Variants in ZFP82 observed in about 807,000 individuals in gnomAD.
The protein encoded by ZFP82 is ZFP82 zinc finger protein.
ZFP82 carries 30 observed loss-of-function variants against 54.0 expected under a neutral mutation model. The ratio of observed to expected loss-of-function variants is 0.56; its 90% CI spans 0.42 to 0.75. The LOEUF (loss-of-function observed/expected upper bound fraction) is 0.75, where lower values mean the gene tolerates loss of function less well. ZFP82 is among the 30% of genes least tolerant of loss of function. The pLI is 0.00. For synonymous variants in ZFP82, 194 were observed against 209.5 expected (o/e 0.93, Z 0.64); for missense variants, 500 against 636.8 (o/e 0.79, Z 2.31).
exon 2 of ZFP82, chr19:36,383,416 A>G (rs1264437078): frequency 2.6e-5 from 4 of 152,312 alleles, no homozygotes; most frequent in African/African-American, 9.6e-5. Context: ...TCTAATAAAA[A>G]AAAAAGTTAA....
Position 36,407,452 on chromosome 19 carries a change from G to A in ZFP82, c.136+435C>T, listed in dbSNP as rs1361992964. Among the ~76,000 whole-genome samples the A allele has an allele frequency of 2.6e-5, 4 of 152,150 alleles. No individual in the cohort carries two copies. In the South Asian group the frequency reaches 8.3e-4, roughly 31 times the overall value. The stretch of plus-strand genomic sequence containing the variant: ...ATTAATGAAGGGAATGAGTTCTCTT[G>A]AATTGTAAATACATGCTGTTGATCC... On this transcript the variant is annotated intron_variant, in intron 3 of 4. Transcript: ENST00000392161.
At chr19:36,384,783 T>C (rs939404336), downstream of ZFP82, among the ~76,000 whole-genome samples, 5 of 152,206 alleles carry the variant, frequency 3.3e-5, no homozygotes, top group African/African-American at 1.2e-4. Context: ...GCACTTAAAA[T>C]AGTCTTCTTC....
At chr19:36,398,738 T>G (rs576386799) in intron 4 of ZFP82, among the ~76,000 whole-genome samples, 1 of 152,208 alleles carries the variant, frequency 6.6e-6, no homozygotes, top group Admixed American at 6.5e-5. Context: ...ACAGCTGGAG[T>G]GCAGTGGTGC....
rs1409698141 is a variant in ZFP82, at chr19:36,392,059, T to A, written c.*682A>T. 6.6e-6 allele frequency: 1 copy of A among 152,208 alleles called. No homozygotes were observed. Among genetic ancestry groups the A allele is most frequent in the African/African-American group, 2.4e-5 (1 of 41,438 alleles). 9.4% of individuals were successfully genotyped at this position (152,208 alleles called of 1,614,324 possible). ...GTCAATTCTTCCATTCTACATGGCATCAGTTCAGGTTACCAAGTCGCTCAC... is the reference window on the plus strand; with the variant it reads ...GTCAATTCTTCCATTCTACATGGCAACAGTTCAGGTTACCAAGTCGCTCAC... On this transcript the variant is annotated 3_prime_UTR_variant, in exon 5 of 5. Coordinates refer to ENST00000392161, the MANE Select transcript of ZFP82 (RefSeq NM_133466.4).
At chr19:36,414,825 C>CTT (rs11445531) in intron 1 of ZFP82, among the ~76,000 whole-genome samples, 25,553 of 142,366 alleles carry the variant, frequency 0.18, 2,529 homozygotes, top group Non-Finnish European at 0.22. Flanking sequence ...ATATTAAATA[C>CTT]TTTTTTTTTT....
At chr19:36,415,620 C>G (rs996187832) in intron 1 of ZFP82, among the ~76,000 whole-genome samples, 3 of 152,166 alleles carry the variant, frequency 2.0e-5, no homozygotes, top group African/African-American at 7.2e-5. Context: ...CTTCTGACCT[C>G]AGGTGATCTG....
At chr19:36,395,529 T>C (rs1223411870) in intron 4 of ZFP82, 2 of 152,182 alleles carry the variant, frequency 1.3e-5, no homozygotes, top group Non-Finnish European at 2.9e-5. Context: ...ACTGTTGCAG[T>C]CATCTGAATG....
At chr19:36,412,034 T>G (rs2032589894) in intron 1 of ZFP82, among the ~76,000 whole-genome samples, 1 of 151,798 alleles carries the variant, frequency 6.6e-6, no homozygotes, top group South Asian at 2.1e-4. Flanking sequence ...TTGTGAGTAG[T>G]ATGATCCTGT....
chr19:36,393,799 C>T lies in ZFP82; in HGVS notation c.541G>A (p.Val181Met). 2 of 1,613,612 alleles carry T rather than the reference C, an allele frequency of 1.2e-6. No homozygotes were observed. The highest frequency in any genetic ancestry group is 8.5e-7 in the Non-Finnish European group (1 of 1,179,862). The change falls in exon 5 of 5, where the codon GTG (valine) becomes ATG (methionine). Residue 181 changes from valine (V) to methionine (M), a missense_variant. Val to Met is a conservative substitution (Grantham distance 21, BLOSUM62 1). Transcript: ENST00000392161. ...ECKECGKAFR[V>M]RQQLTFHHRI... ...TGATGAAAAGTAAGCTGTTGGCGCACTCTGAACGCCTTCCCACATTCCTTA... is the reference window on the plus strand; with the variant it reads ...TGATGAAAAGTAAGCTGTTGGCGCATTCTGAACGCCTTCCCACATTCCTTA...
intron 4 of ZFP82, among the ~76,000 whole-genome samples, chr19:36,402,468 C>CAAAAAAAAAAAAAAAAAA (rs377338348): frequency 2.1e-4 from 12 of 57,426 alleles, no homozygotes; most frequent in Admixed American, 5.5e-4. Context: ...GACTCCATCT[C>CAAAAAAAAAAAAAAAAAA]AAAAAAAAAA....
At position 36,389,324 on chromosome 19, in the gene ZFP82, C is replaced by T. The variant is rs924274001; in HGVS notation, c.*3417G>A. Among the ~76,000 whole-genome samples the T allele has an allele frequency of 7.2e-5, 11 of 152,124 alleles. No homozygotes were observed. The highest frequency in any genetic ancestry group is 1.5e-4 in the Non-Finnish European group (10 of 68,038). On this transcript the variant is annotated 3_prime_UTR_variant, in exon 5 of 5. Coordinates refer to ENST00000392161, the MANE Select transcript of ZFP82 (RefSeq NM_133466.4). ...AAGTACTGCGATTACAGGCATGAGC[C>T]ACCACGCCTGGCCCAAACTTGATTT... is the stretch of plus-strand genomic sequence containing the variant.
Position 36,393,002 on chromosome 19 carries a change from A to G in ZFP82, c.1338T>C (p.Gly446=). The change falls in exon 5 of 5, where the codon GGT becomes GGC. Residue 446 remains glycine, a synonymous_variant. Coordinates refer to ENST00000392161, the MANE Select transcript of ZFP82 (RefSeq NM_133466.4). The part of the protein sequence containing the change: ...QLTQHQSIHI[G]EKPYKCKECG... ...ATTCCTTACATTTATAAGGTTTCTC[A>G]CCAATATGAATACTCTGATGCTGTG... The G allele has an allele frequency of 6.2e-7, 1 of 1,614,132 alleles. No individual in the cohort carries two copies. Among genetic ancestry groups the G allele is most frequent in the Admixed American group, 1.7e-5 (1 of 60,022 alleles).
At position 36,409,768 on chromosome 19, in the gene ZFP82, G is replaced by GAA. The variant is rs1006027784; in HGVS notation, c.9+11_9+12dup. On this transcript the variant is annotated intron_variant, in intron 2 of 4. Coordinates refer to ENST00000392161, the MANE Select transcript of ZFP82 (RefSeq NM_133466.4). ...TAACATGATAGTATTCCTAGGAGGA[G>GAA]AAAAAAACTTACAAGGGCCATGGTA... 37 of 1,613,452 alleles carry GAA rather than the reference G, an allele frequency of 2.3e-5. No homozygotes were observed. The highest frequency in any genetic ancestry group is 3.1e-5 in the Non-Finnish European group (37 of 1,179,730).
At chr19:36,403,165 C>CA (rs1164456478) in intron 4 of ZFP82, among the ~76,000 whole-genome samples, 1 of 149,934 alleles carries the variant, frequency 6.7e-6, no homozygotes, top group Non-Finnish European at 1.5e-5. Flanking sequence ...ATAACAACAA[C>CA]AAAAAAAATT....
intron 3 of ZFP82, among the ~76,000 whole-genome samples, chr19:36,407,286 C>T (rs998730205): frequency 2.6e-5 from 4 of 151,506 alleles, no homozygotes; most frequent in African/African-American, 7.3e-5. Flanking sequence ...CCGTTTTAGC[C>T]GGGATGGTCT....
chr19:36,383,956 G>C (rs1463799915), downstream of ZFP82: 1 of 152,098 alleles, frequency 6.6e-6, no homozygotes, highest in Non-Finnish European at 1.5e-5. Flanking sequence ...CTATTAACCA[G>C]GAAAATATTA....
chr19:36,393,212 G>A lies in ZFP82; in HGVS notation c.1128C>T (p.Ser376=). The stretch of plus-strand genomic sequence containing the variant: ...GATGGAGAATAAGATGATAACCACG[G>A]CTAAAGGTCTTTCCACATTCCTTAC... ...YECKECGKTF[S]RGYHLILHHR... Residue 376 remains serine (S), a synonymous_variant, in exon 5 of 5, where the codon AGC becomes AGT. Transcript: ENST00000392161. 1 of 1,612,320 alleles carries A rather than the reference G, an allele frequency of 6.2e-7. No homozygotes were observed. The highest frequency in any genetic ancestry group is 8.5e-7 in the Non-Finnish European group (1 of 1,179,674).
At chr19:36,415,893 C>G (rs1217508248) in intron 1 of ZFP82, among the ~76,000 whole-genome samples, 1 of 152,136 alleles carries the variant, frequency 6.6e-6, no homozygotes, top group Non-Finnish European at 1.5e-5. Context: ...TCTCAAGATT[C>G]TTCTATGAAT....
At position 36,393,097 on chromosome 19, in the gene ZFP82, T is replaced by C; in HGVS notation, c.1243A>G (p.Ile415Val). 6.2e-7 allele frequency: 1 copy of C among 1,609,844 alleles called. No individual in the cohort carries two copies. The highest frequency in any genetic ancestry group is 8.5e-7 in the Non-Finnish European group (1 of 1,178,950). ...TCATAGGGCTTAACACCAATATGAA[T>C]ACTCTGATGTGAAATAAGTTGTGAG... ...RYSQLISHQS[I>V]HIGVKPYDCK... The change falls in exon 5 of 5, where the codon ATT (isoleucine) becomes GTT (valine). Residue 415 changes from isoleucine to valine, a missense_variant. By Grantham distance (29) the Ile-to-Val change is conservative. Transcript: ENST00000392161.
Sources: gnomAD v4.1 joint callset for allele counts (sites outside exome capture counted in the v4.1 genomes callset) on GRCh38, gnomAD v4.1.1 for gene constraint, MANE v1.5 for transcripts, NCBI Gene and HGNC (gene_info 2026-07-23, HGNC 2026-07-21) for gene names.